NPIPB15: variants seen among roughly 807,000 people sequenced by gnomAD.
NPIPB15 encodes the protein nuclear pore complex interacting protein family member B15.
A neutral mutation model predicts 35.9 loss-of-function variants in NPIPB15; 5 were observed. The ratio of observed to expected loss-of-function variants is 0.14; its 90% CI spans 0.07 to 0.29. The LOEUF is 0.29. Among genes scored for constraint, NPIPB15 ranks in the 10% least tolerant of loss-of-function variants. NPIPB15 has a pLI of 1.00. For synonymous variants in NPIPB15, 43 were observed against 182.0 expected, an observed-to-expected ratio of 0.24 and a Z score of 6.15; for missense variants, 100 against 506.1, an observed-to-expected ratio of 0.20 and a Z score of 7.70.
chr16:74,389,699 A>G lies in NPIPB15; in HGVS notation c.546-126A>G. 6.9e-6 allele frequency: 4 copies of G among 582,948 alleles called. No homozygotes were observed. In the South Asian group the frequency reaches 8.2e-5, roughly 12 times the overall value. The allele number at this position is 582,948 out of a possible 1,614,324, so 36.1% of individuals were successfully genotyped here. On this transcript the variant is annotated intron_variant, in intron 5 of 7. Transcript: ENST00000692376. ...GACTGTACTCTTATAGCCATCTGAA[A>G]TACGTTTTCTAGGTAGAGATAGATT...
chr16:74,382,754 T>C (rs1203722314), intron 3 of NPIPB15, among the ~76,000 whole-genome samples: 7 of 152,230 alleles, frequency 4.6e-5, no homozygotes, highest in Non-Finnish European at 8.8e-5. Context: ...GTTTCAGTTT[T>C]ACCACCTAGA....
Position 74,382,670 on chromosome 16 carries a change from C to G in NPIPB15, c.249+972C>G, listed in dbSNP as rs531769680. On this transcript the variant is annotated intron_variant, in intron 3 of 7. Transcript: ENST00000692376. ...ATGTGGTTTTCTGGGGGCTGAACCT[C>G]CTTCTGAACAATGATCCAAGATAAA... 3.8e-4 allele frequency among the ~76,000 whole-genome samples: 58 copies of G among 152,368 alleles called. 1 individual carries two copies. The East Asian group carries it at 9.2e-3, about 24-fold the overall frequency.
chr16:74,377,435 A>G (rs1422790149), intron 1 of NPIPB15, among the ~76,000 whole-genome samples, 89 bp downstream of exon 1: 1 of 151,834 alleles, frequency 6.6e-6, no homozygotes, highest in African/African-American at 2.4e-5. Context: ...TGCGGGCGCT[A>G]CTTGGCATTG....
intron 2 of NPIPB15, among the ~76,000 whole-genome samples, chr16:74,378,518 C>T (rs1181445877): frequency 3.4e-5 from 5 of 145,804 alleles, no homozygotes; most frequent in African/African-American, 7.6e-5. Context: ...CCTCCGCTTC[C>T]GGGGTTCAAG....
At chr16:74,381,855 GC>G (rs2012014850) in intron 3 of NPIPB15, 157 bp downstream of exon 3, 1 of 883,098 alleles carries the variant, frequency 1.1e-6, no homozygotes, top group African/African-American at 1.8e-5. Flanking sequence ...GAAAATGTCT[GC>G]CATTTACATT....
At chr16:74,383,832 C>T (rs1445272694) in intron 3 of NPIPB15, among the ~76,000 whole-genome samples, 4 of 151,908 alleles carry the variant, frequency 2.6e-5, no homozygotes, top group Admixed American at 1.3e-4. Context: ...ACAAGAATCG[C>T]TTGAATCTGG....
At position 74,391,715 on chromosome 16, in the gene NPIPB15, C is replaced by CT. The variant is rs1218054778; in HGVS notation, c.968dup (p.Phe324LeufsTer15). ...AGTGGATGATAATCTGAAGGACTGT[C>CT]TCTTTGTCCCTCTTCCACCCTCTCC... is the stretch of plus-strand genomic sequence containing the variant. On this transcript the variant is annotated frameshift_variant, in exon 8 of 8. Transcript: ENST00000692376. LOFTEE classifies it high-confidence loss of function. 6.2e-7 allele frequency: 1 copy of CT among 1,604,474 alleles called. No individual in the cohort carries two copies. The highest frequency in any genetic ancestry group is 1.4e-5 in the African/African-American group (1 of 71,586).
chr16:74,381,125 T>G (rs1433650382), intron 2 of NPIPB15, among the ~76,000 whole-genome samples: 1 of 133,670 alleles, frequency 7.5e-6, no homozygotes, highest in African/African-American at 2.9e-5. Context: ...CCTGGGCGAC[T>G]GAGTGGAGCG....
chr16:74,379,138 C>T (rs1480411868), intron 2 of NPIPB15, among the ~76,000 whole-genome samples: 32 of 151,650 alleles, frequency 2.1e-4, no homozygotes, highest in African/African-American at 7.3e-4. Context: ...AAGTGAACTC[C>T]CACTCTTCCC....
rs1359766183 is a variant in NPIPB15, at chr16:74,378,699, C to T, written c.66+660C>T. Among the ~76,000 whole-genome samples, 1,357 of 147,340 alleles carry T rather than the reference C, an allele frequency of 9.2e-3. 2 individuals are homozygous for T. The highest frequency in any genetic ancestry group is 0.034 in the African/African-American group (1,294 of 37,632). ...TGCTGGGATTACAGGCGTGAACCAC[C>T]GCGCCTGGCCAAAATATATAACCTT... On this transcript the variant is annotated intron_variant, in intron 2 of 7. Coordinates refer to ENST00000692376, the MANE Select transcript of NPIPB15 (RefSeq NM_001306094.2).
intron 3 of NPIPB15, among the ~76,000 whole-genome samples, chr16:74,385,138 C>T (rs1236785241): frequency 8.0e-5 from 12 of 150,502 alleles, no homozygotes; most frequent in Non-Finnish European, 1.3e-4. Flanking sequence ...CTCAGCCTCC[C>T]GAGTAGCTTG....
At chr16:74,378,319 G>A (rs563351421) in intron 2 of NPIPB15, among the ~76,000 whole-genome samples, 5 of 150,758 alleles carry the variant, frequency 3.3e-5, no homozygotes, top group Admixed American at 6.7e-5. Flanking sequence ...GGAGCTGGAC[G>A]TTGCAGTGAG....
intron 3 of NPIPB15, among the ~76,000 whole-genome samples, chr16:74,381,927 A>G (rs2012017618): frequency 7.4e-6 from 1 of 134,866 alleles, no homozygotes; most frequent in East Asian, 2.3e-4. Context: ...TTGGTCAAAA[A>G]TAAGTTTTTT....
rs74687974 is a variant in NPIPB15 at position 74,376,562 on chromosome 16, G to A, written c.-807G>A. Among the ~76,000 whole-genome samples, 5 of 151,322 alleles carry A rather than the reference G, an allele frequency of 3.3e-5. No individual in the cohort carries two copies. Among genetic ancestry groups the A allele is most frequent in the African/African-American group, 1.2e-4 (5 of 41,182 alleles). ...CTTGAAATGCACAGATTCCTTGGACGTCCCTGAGAGGTCAATGATGAAGGT... is the reference window on the plus strand; with the variant it reads ...CTTGAAATGCACAGATTCCTTGGACATCCCTGAGAGGTCAATGATGAAGGT... On this transcript the variant is annotated 5_prime_UTR_variant, in exon 1 of 8. Coordinates refer to ENST00000692376, the MANE Select transcript of NPIPB15 (RefSeq NM_001306094.2).
intron 7 of NPIPB15, chr16:74,390,455 CA>C (rs1275673561): frequency 5.5e-6 from 2 of 361,858 alleles, no homozygotes; most frequent in African/African-American, 1.1e-4. Flanking sequence ...AAGTGAAACA[CA>C]GTTTTAAAAC....
Position 74,391,851 on chromosome 16 carries a change from A to C in NPIPB15, c.1103A>C (p.Gln368Pro). ...AGGTGGAGGGTGGATGAGGTGGAAC[A>C]ATCACCGAAACCCAAGAGGCGGAGG... The part of the protein sequence containing the change: ...PKRWRVDEVE[Q>P]SPKPKRRRAD... The change falls in exon 8 of 8, where the codon CAA becomes CCA. Residue 368 changes from glutamine to proline, a missense_variant. Physicochemically the swap from Gln to Pro is moderately conservative, Grantham distance 76. Transcript: ENST00000692376. The C allele has an allele frequency of 6.2e-7, 1 of 1,608,342 alleles. No homozygotes were observed. The highest frequency in any genetic ancestry group is 2.2e-5 in the East Asian group (1 of 44,834).
chr16:74,376,578 T>C lies in NPIPB15; in HGVS notation c.-791T>C. 6.6e-6 allele frequency among the ~76,000 whole-genome samples: 1 copy of C among 151,374 alleles called. No individual in the cohort carries two copies. Among genetic ancestry groups the C allele is most frequent in the Non-Finnish European group, 1.5e-5 (1 of 67,934 alleles). On this transcript the variant is annotated 5_prime_UTR_variant, in exon 1 of 8. An upstream start codon of the reference 5' UTR is lost. Coordinates refer to ENST00000692376, the MANE Select transcript of NPIPB15 (RefSeq NM_001306094.2). ...TCCTTGGACGTCCCTGAGAGGTCAA[T>C]GATGAAGGTCAACTTGGTTTTCTCC... is the stretch of plus-strand genomic sequence containing the variant.
chr16:74,377,589 C>T (rs1031718666), intron 1 of NPIPB15, among the ~76,000 whole-genome samples: 1 of 152,106 alleles, frequency 6.6e-6, no homozygotes, highest in African/African-American at 2.4e-5. Flanking sequence ...TCCTAAGCCT[C>T]ACGCTCCCTT....
intron 5 of NPIPB15, among the ~76,000 whole-genome samples, chr16:74,389,415 C>G (rs2012434589): frequency 6.7e-6 from 1 of 150,018 alleles, no homozygotes; most frequent in Non-Finnish European, 1.5e-5. Flanking sequence ...CTGTGTCACC[C>G]AGGCTGGAGT....
Sources: gnomAD v4.1 joint callset for allele counts (sites outside exome capture counted in the v4.1 genomes callset) on GRCh38, gnomAD v4.1.1 for gene constraint, MANE v1.5 for transcripts, NCBI Gene and HGNC (gene_info 2026-07-23, HGNC 2026-07-21) for gene names.